PICK1: variants seen among roughly 807,000 people sequenced by gnomAD.
PICK1 encodes PRKCA-binding protein.
In PICK1, 23 loss-of-function variants were observed where a neutral mutation model predicts 48.9. The ratio of observed to expected loss-of-function variants is 0.47; its 90% CI spans 0.34 to 0.67. The LOEUF is 0.67. PICK1 is among the 30% of genes least tolerant of loss of function. PICK1 has a pLI of 0.01. For missense variants in PICK1, 423 were observed against 557.1 expected (o/e 0.76, Z 2.42); for synonymous variants, 217 against 228.2 (o/e 0.95, Z 0.44).
rs755314250 is a variant in PICK1 at position 38,073,853 on chromosome 22, A to T, written c.834+30A>T. 1 of 1,604,126 alleles carries T rather than the reference A, an allele frequency of 6.2e-7. No individual in the cohort carries two copies. Among genetic ancestry groups the T allele is most frequent in the Non-Finnish European group, 8.5e-7 (1 of 1,171,622 alleles). The stretch of plus-strand genomic sequence containing the variant: ...GTGTTGGAGGGGGTGGGGGGCTTGT[A>T]CTTCCCCCCACCTGGTCTGCCAGGG... On this transcript the variant is annotated intron_variant, in intron 11 of 12. Transcript: ENST00000356976. The surrounding 1 kb of genome is among the most constrained non-coding windows in gnomAD (Gnocchi z 5.7).
chr22:38,075,111 TGG>T lies in PICK1; in HGVS notation c.1228_1229del (p.Gly410LysfsTer4), dbSNP rs1178567425. On this transcript the variant is annotated frameshift_variant, in exon 13 of 13. Transcript: ENST00000356976. LOFTEE classifies it high-confidence loss of function. The part of the protein sequence containing the change: ...RGAAGPLDKG[G>X]SWCDS ...GGGCTGCTGGGCCCTTGGACAAGGG[TGG>T]AAGCTGGTGTGACTCCTGAGTGCCC... The T allele has an allele frequency of 6.2e-7, 1 of 1,611,038 alleles. No individual in the cohort carries two copies. Among genetic ancestry groups the T allele is most frequent in the African/African-American group, 1.3e-5 (1 of 74,694 alleles).
intron 2 of PICK1, 154 bp downstream of exon 2, chr22:38,058,004 T>C (rs536114517): frequency 9.6e-4 from 693 of 721,020 alleles, no homozygotes; most frequent in Non-Finnish European, 1.5e-3. Flanking sequence ...GAGCTCACTA[T>C]TTGTAGGGGG....
In PICK1 at chr22:38,074,833, C is replaced by T. The variant is rs755226406; in HGVS notation, c.980-31C>T. 5 of 1,605,546 alleles carry T rather than the reference C, an allele frequency of 3.1e-6. No homozygotes were observed. The highest frequency in any genetic ancestry group is 3.4e-6 in the Non-Finnish European group (4 of 1,179,682). The stretch of plus-strand genomic sequence containing the variant: ...CCCTGAGGCAGGCAGCCAGAGCCCA[C>T]TGCAGCCTGTCCCCCGACCTCCCAC... On this transcript the variant is annotated intron_variant, in intron 12 of 12. Transcript: ENST00000356976. This position sits in a 1 kb window ranked among gnomAD's most constrained non-coding sequence, Gnocchi z 4.5.
At position 38,065,013 on chromosome 22, in the gene PICK1, C is replaced by T. The variant is rs1218478170; in HGVS notation, c.165C>T (p.Asn55=). The part of the protein sequence containing the change: ...PCLYIVQVFD[N]TPAALDGTVA... ...TTATGCACCCACAGGTATTTGACAA[C>T]ACCCCAGCAGCCTTGGACGGCACAG... is the stretch of plus-strand genomic sequence containing the variant. The change falls in exon 4 of 13, where the codon AAC becomes AAT. Residue 55 remains asparagine, a synonymous_variant. Transcript: ENST00000356976. 6.2e-7 allele frequency: 1 copy of T among 1,614,108 alleles called. No homozygotes were observed. The highest frequency in any genetic ancestry group is 1.7e-5 in the Admixed American group (1 of 60,012).
Position 38,070,719 on chromosome 22 carries a change from C to T in PICK1, c.440-119C>T, listed in dbSNP as rs1383747911. 8.7e-5 allele frequency: 74 copies of T among 846,678 alleles called. No homozygotes were observed. The East Asian group carries it at 1.8e-3, about 21-fold the overall frequency. 52.4% of individuals were successfully genotyped at this position (846,678 alleles called of 1,614,324 possible). A position where few individuals can be genotyped will look rare whatever the true frequency, so the allele number is the denominator to read the frequency against. On this transcript the variant is annotated intron_variant, in intron 6 of 12. Transcript: ENST00000356976. Reference sequence around the variant, plus strand: ...GCTGCCAAATCCCCCTCCCTGGGACCCCTGATCTTTCCCTTCCTGGTTCTC... The same window carrying T: ...GCTGCCAAATCCCCCTCCCTGGGACTCCTGATCTTTCCCTTCCTGGTTCTC...
Position 38,057,790 on chromosome 22 carries a change from C to G in PICK1, c.-20C>G, listed in dbSNP as rs916434047. 1.9e-6 allele frequency: 3 copies of G among 1,612,618 alleles called. No homozygotes were observed. The Admixed American group carries it at 5.0e-5, about 27-fold the overall frequency. ...CTACCGAGCTGGGCAGTTAGCCAGC[C>G]CACTCCAACTCTCGGAACCATGTTT... On this transcript the variant is annotated 5_prime_UTR_variant, in exon 2 of 13. Coordinates refer to ENST00000356976, the MANE Select transcript of PICK1 (RefSeq NM_012407.4).
intron 3 of PICK1, among the ~76,000 whole-genome samples, chr22:38,063,742 A>T (rs1354626549): frequency 8.6e-5 from 13 of 150,840 alleles, no homozygotes; most frequent in African/African-American, 3.2e-4. Flanking sequence ...TCCCAGGCTC[A>T]AGCGATCCTC....
At chr22:38,057,633 C>T in intron 1 of PICK1, 46 bp downstream of exon 1, 8 of 502,872 alleles carry the variant, frequency 1.6e-5, no homozygotes, top group South Asian at 1.5e-4. Context: ...TGTCCCATCC[C>T]ACTCCAGAGG....
rs556594983 is a variant in PICK1 at position 38,075,177 on chromosome 22, G to T, written c.*45G>T. 20 of 1,573,342 alleles carry T rather than the reference G, an allele frequency of 1.3e-5. No homozygotes were observed. In the South Asian group the frequency reaches 1.9e-4, roughly 15 times the overall value. Reference sequence around the variant, plus strand: ...CCGGGGGCAGGGTGCGTGGGAGGACGGAGCCTGGGAGCGGGGCGGGGCCGC... The same window carrying T: ...CCGGGGGCAGGGTGCGTGGGAGGACTGAGCCTGGGAGCGGGGCGGGGCCGC... On this transcript the variant is annotated 3_prime_UTR_variant, in exon 13 of 13. Coordinates refer to ENST00000356976, the MANE Select transcript of PICK1 (RefSeq NM_012407.4).
intron 3 of PICK1, among the ~76,000 whole-genome samples, chr22:38,063,043 G>C (rs2085441295): frequency 1.3e-5 from 2 of 152,160 alleles, no homozygotes; most frequent in African/African-American, 4.8e-5. Context: ...TCCTCAGAGG[G>C]CGTCATCGGG....
intron 9 of PICK1, among the ~76,000 whole-genome samples, 160 bp from the exon 10 acceptor site, chr22:38,072,840 G>C (rs1430858399): frequency 1.3e-5 from 2 of 152,136 alleles, no homozygotes; most frequent in Non-Finnish European, 2.9e-5. Flanking sequence ...CCCTAGGCCT[G>C]GCACTAGTCT....
chr22:38,072,903 T>G (rs1247782185), intron 9 of PICK1, 97 bp from the exon 10 acceptor site: 11 of 894,568 alleles, frequency 1.2e-5, no homozygotes, highest in Non-Finnish European at 2.1e-5. Context: ...GCTCTGATAG[T>G]CGAGTCCACC....
chr22:38,065,100 G>T lies in PICK1; in HGVS notation c.252G>T (p.Val84=). The change falls in exon 4 of 13, where the codon GTG becomes GTT. Residue 84 remains valine, a synonymous_variant. Coordinates refer to ENST00000356976, the MANE Select transcript of PICK1 (RefSeq NM_012407.4). ...NGRSIKGKTK[V]EVAKMIQEVK... Reference sequence around the variant, plus strand: ...GGTCAATCAAAGGGAAAACTAAGGTGGAGGTGGCGAAGATGATTCAGGAGG... The same window carrying T: ...GGTCAATCAAAGGGAAAACTAAGGTTGAGGTGGCGAAGATGATTCAGGAGG... 1 of 1,614,118 alleles carries T rather than the reference G, an allele frequency of 6.2e-7. No individual in the cohort carries two copies. The highest frequency in any genetic ancestry group is 8.5e-7 in the Non-Finnish European group (1 of 1,180,002).
rs1361186118 is a variant in PICK1 at position 38,067,736 on chromosome 22, G to C, written c.315G>C (p.Gln105His). The C allele has an allele frequency of 6.2e-7, 1 of 1,614,078 alleles. No individual in the cohort carries two copies. Among genetic ancestry groups the C allele is most frequent in the Non-Finnish European group, 8.5e-7 (1 of 1,179,936 alleles). Reference sequence around the variant, plus strand: ...TGACCATCCACTACAACAAGCTGCAGGCGGACCCCAAGCAGGGCATGTCCC... The same window carrying C: ...TGACCATCCACTACAACAAGCTGCACGCGGACCCCAAGCAGGGCATGTCCC... ...GEVTIHYNKL[Q>H]ADPKQGMSLD... Residue 105 changes from glutamine to histidine, a missense_variant, in exon 5 of 13, where the codon CAG (glutamine) becomes CAC (histidine). Physicochemically the swap from Gln to His is conservative, Grantham distance 24. Coordinates refer to ENST00000356976, the MANE Select transcript of PICK1 (RefSeq NM_012407.4).
At chr22:38,059,390 G>A (rs1296771030) in intron 3 of PICK1, 45 bp downstream of exon 3, 1 of 1,307,054 alleles carries the variant, frequency 7.7e-7, no homozygotes, top group Non-Finnish European at 1.1e-6. Context: ...TCCCTACTTG[G>A]GCATGACAAA....
intron 6 of PICK1, 80 bp downstream of exon 6, chr22:38,069,202 C>G: frequency 4.8e-6 from 5 of 1,044,574 alleles, no homozygotes; most frequent in East Asian, 2.6e-5. Context: ...TGGCTGCCCA[C>G]CAAGCTGCTG....
intron 3 of PICK1, among the ~76,000 whole-genome samples, 185 bp from the exon 4 acceptor site, chr22:38,064,817 G>T (rs189323022): frequency 3.4e-4 from 52 of 152,302 alleles, no homozygotes; most frequent in Middle Eastern, 3.4e-3. Context: ...TGGAGCCCAG[G>T]AGTTCAGTGC....
At chr22:38,063,724 CCT>C (rs1026215368) in intron 3 of PICK1, among the ~76,000 whole-genome samples, 4 of 150,540 alleles carry the variant, frequency 2.7e-5, no homozygotes, top group Non-Finnish European at 4.4e-5. Context: ...CTCACTGCAG[CCT>C]CTGTTTCCCA....
At chr22:38,057,701 T>A in intron 1 of PICK1, 52 bp from the exon 2 acceptor site, 1 of 931,460 alleles carries the variant, frequency 1.1e-6, no homozygotes, top group Non-Finnish European at 1.8e-6. Context: ...GGCGTTGGCA[T>A]TTAGGCACTT....
Sources: allele counts gnomAD v4.1 joint callset (sites outside exome capture counted in the v4.1 genomes callset), GRCh38; gene constraint gnomAD v4.1.1; non-coding constraint Gnocchi (gnomAD v3.1); transcripts MANE v1.5; gene names NCBI Gene and HGNC (gene_info 2026-07-23, HGNC 2026-07-21).